The following ROBO2 variants were observed in gnomAD, a reference collection of about 807,000 sequenced individuals.
ROBO2 encodes roundabout guidance receptor 2.
Under a neutral mutation model 160.8 loss-of-function variants are expected in ROBO2, and 53 were observed. The observed-to-expected ratio is 0.33, with a 90% CI of 0.26 to 0.41. The LOEUF (loss-of-function observed/expected upper bound fraction) is 0.41, where lower values mean the gene tolerates loss of function less well. Among genes scored for constraint, ROBO2 ranks in the 10% least tolerant of loss-of-function variants. The pLI is 1.00. For missense variants in ROBO2, 1,577 were observed against 1,722.4 expected, an observed-to-expected ratio of 0.92 and a Z score of 1.49; for synonymous variants, 664 against 611.7, an observed-to-expected ratio of 1.09 and a Z score of -1.26.
chr3:76,927,350 T>A (rs2149031041), intron 2 of ROBO2, among the ~76,000 whole-genome samples: 1 of 152,292 alleles, frequency 6.6e-6, no homozygotes, highest in East Asian at 1.9e-4. Flanking sequence ...CACAGTGGAT[T>A]CTTCCAAACT....
chr3:76,542,474 T>C (rs569458375), intron 2 of ROBO2, among the ~76,000 whole-genome samples: 2 of 152,268 alleles, frequency 1.3e-5, no homozygotes, highest in African/African-American at 4.8e-5. Flanking sequence ...AGGTTGGTCA[T>C]AGGAAAGTTG....
intron 2 of ROBO2, among the ~76,000 whole-genome samples, chr3:77,277,204 CTTTCTTTCTTCT>C (rs1436169787): frequency 3.1e-5 from 4 of 128,184 alleles, no homozygotes; most frequent in African/African-American, 8.7e-5. Flanking sequence ...TTCTTTCTTT[CTTTCTTTCTTCT>C]TTCTTTCTTT....
At chr3:76,113,948 A>G (rs1000586968) in intron 2 of ROBO2, among the ~76,000 whole-genome samples, 4 of 152,140 alleles carry the variant, frequency 2.6e-5, no homozygotes, top group Non-Finnish European at 4.4e-5. Flanking sequence ...CTCTCTTGCC[A>G]TGTGACACAC....
At chr3:76,124,522 A>G (rs992486919) in intron 2 of ROBO2, among the ~76,000 whole-genome samples, 4 of 152,158 alleles carry the variant, frequency 2.6e-5, no homozygotes, top group African/African-American at 9.6e-5. Context: ...ACCAGTTGAC[A>G]TAATATCAAT....
At chr3:77,506,169 G>A (rs1204328499) in intron 5 of ROBO2, among the ~76,000 whole-genome samples, 1 of 152,124 alleles carries the variant, frequency 6.6e-6, no homozygotes, top group Non-Finnish European at 1.5e-5. Flanking sequence ...TTCATTCCAT[G>A]TGTTAGTCAA....
At chr3:77,033,402 A>G (rs2063443119) in intron 2 of ROBO2, among the ~76,000 whole-genome samples, 1 of 152,142 alleles carries the variant, frequency 6.6e-6, no homozygotes, top group African/African-American at 2.4e-5. Context: ...TCCTTTTTTG[A>G]TAGTTTAAAC....
intron 2 of ROBO2, among the ~76,000 whole-genome samples, chr3:77,176,070 A>G (rs189699102): frequency 0.01 from 1,561 of 152,150 alleles, 14 homozygotes; most frequent in Middle Eastern, 0.017. Flanking sequence ...AGCAAATAGC[A>G]GGAACAGAAA....
intron 1 of ROBO2, among the ~76,000 whole-genome samples, chr3:77,089,917 C>T (rs1460886917): frequency 6.6e-6 from 1 of 152,144 alleles, no homozygotes; most frequent in Non-Finnish European, 1.5e-5. Context: ...TTCATTAATT[C>T]CATTAAATTG....
chr3:76,668,161 C>A (rs1435894735), intron 2 of ROBO2, among the ~76,000 whole-genome samples: 4 of 152,030 alleles, frequency 2.6e-5, no homozygotes, highest in African/African-American at 9.7e-5. Flanking sequence ...GTGTAGCGGC[C>A]CCATTATGGC....
rs116195340 is a variant in ROBO2, at chr3:76,154,426, C to T, written c.109+216824C>T. Reference sequence around the variant, plus strand: ...TGGAAAGATTAGATAGAAAAGTTCACGAGAGCACAACAAGTACAGACTAAT... The same window carrying T: ...TGGAAAGATTAGATAGAAAAGTTCATGAGAGCACAACAAGTACAGACTAAT... On this transcript the variant is annotated intron_variant, in intron 2 of 26. Transcript: ENST00000487694. 3.9e-3 allele frequency among the ~76,000 whole-genome samples: 587 copies of T among 152,116 alleles called. 5 individuals are homozygous for T. The highest frequency in any genetic ancestry group is 0.013 in the African/African-American group (553 of 41,514).
chr3:76,739,070 G>A (rs1451245882), intron 2 of ROBO2, among the ~76,000 whole-genome samples: 1 of 152,102 alleles, frequency 6.6e-6, no homozygotes, highest in Non-Finnish European at 1.5e-5. Context: ...AGGTCAGTGT[G>A]GCGATTCCTC....
intron 2 of ROBO2, among the ~76,000 whole-genome samples, chr3:76,171,546 C>T (rs568301533): frequency 5.9e-5 from 9 of 151,914 alleles, no homozygotes; most frequent in East Asian, 3.9e-4. Context: ...GTCAAAGGAC[C>T]GGGAAGAAGG....
chr3:76,736,632 G>A (rs929246213), intron 2 of ROBO2, among the ~76,000 whole-genome samples: 2 of 152,194 alleles, frequency 1.3e-5, no homozygotes, highest in African/African-American at 4.8e-5. Flanking sequence ...TTTATAAATA[G>A]AAGTATAGAT....
intron 2 of ROBO2, among the ~76,000 whole-genome samples, chr3:76,978,585 T>A (rs1189925400): frequency 6.6e-6 from 1 of 152,064 alleles, no homozygotes; most frequent in Non-Finnish European, 1.5e-5. Context: ...AAATCAATAT[T>A]TTTTGGACTT....
At chr3:76,453,870 C>T (rs988282664) in intron 2 of ROBO2, among the ~76,000 whole-genome samples, 1 of 152,034 alleles carries the variant, frequency 6.6e-6, no homozygotes. Context: ...GATTCCTGAA[C>T]AGAATGAATG....
At chr3:77,308,975 AG>A (rs1199655810) in intron 2 of ROBO2, among the ~76,000 whole-genome samples, 1 of 152,096 alleles carries the variant, frequency 6.6e-6, no homozygotes. Flanking sequence ...ATAAATCAAG[AG>A]GTTAAATGAA....
chr3:76,568,160 A>G (rs2084719850), intron 2 of ROBO2, among the ~76,000 whole-genome samples: 1 of 151,950 alleles, frequency 6.6e-6, no homozygotes, highest in Non-Finnish European at 1.5e-5. Context: ...CCTGCATAGT[A>G]TTCAACTACT....
intron 2 of ROBO2, among the ~76,000 whole-genome samples, chr3:76,169,006 C>T (rs370556705): frequency 2.5e-4 from 38 of 151,792 alleles, no homozygotes; most frequent in African/African-American, 8.7e-4. Flanking sequence ...CCCTGTAGTA[C>T]TATCTAAAAT....
At chr3:77,547,948 TAC>T (rs1360778513) in intron 7 of ROBO2, among the ~76,000 whole-genome samples, 1 of 151,428 alleles carries the variant, frequency 6.6e-6, no homozygotes, top group Admixed American at 6.6e-5. Flanking sequence ...ATTAAACACA[TAC>T]ACACACACTT....
Sources: allele counts gnomAD v4.1 joint callset (sites outside exome capture counted in the v4.1 genomes callset), GRCh38; gene constraint gnomAD v4.1.1; transcripts MANE v1.5; gene names NCBI Gene and HGNC (gene_info 2026-07-23, HGNC 2026-07-21).